The following ALDH1L1 variants were observed in gnomAD, a reference collection of about 807,000 sequenced individuals.
ALDH1L1 encodes aldehyde dehydrogenase 1 family member L1, also known as cytosolic 10-formyltetrahydrofolate dehydrogenase.
ALDH1L1 carries 68 observed loss-of-function variants against 101.1 expected under a neutral mutation model. The observed-to-expected ratio is 0.67, with a 90% CI of 0.55 to 0.82. ALDH1L1 has a LOEUF of 0.82. Ranked by LOEUF, ALDH1L1 falls within the 40% of genes least tolerant of loss-of-function variation. The pLI, the probability that ALDH1L1 is intolerant of heterozygous loss-of-function variation, is 0.00. For missense variants in ALDH1L1, 1,087 were observed against 1,172.7 expected (o/e 0.93, Z 1.07); for synonymous variants, 486 against 470.8 (o/e 1.03, Z -0.42).
intron 1 of ALDH1L1, among the ~76,000 whole-genome samples, chr3:126,163,493 T>A (rs998885489): frequency 6.6e-6 from 1 of 152,262 alleles, no homozygotes; most frequent in Non-Finnish European, 1.5e-5. Flanking sequence ...ATGGTGATAG[T>A]AGTTCCTGTC....
At chr3:126,104,212 G>A (rs935220453) in intron 22 of ALDH1L1, 6 of 281,468 alleles carry the variant, frequency 2.1e-5, no homozygotes, top group Non-Finnish European at 3.4e-5. Context: ...AGCTACGTCT[G>A]CATCAAGCTG....
chr3:126,124,504 G>A, intron 15 of ALDH1L1, 53 bp from the exon 16 acceptor site: 1 of 1,464,036 alleles, frequency 6.8e-7, no homozygotes, highest in Non-Finnish European at 9.5e-7. Flanking sequence ...TGAAAGTGGG[G>A]CTCTGCCTTC....
intron 22 of ALDH1L1, 130 bp from the exon 23 acceptor site, chr3:126,103,976 G>A (rs1167871801): frequency 3.2e-6 from 3 of 952,098 alleles, no homozygotes; most frequent in East Asian, 2.6e-5. Context: ...GTGAGAAGTC[G>A]AGGCCCAGCG....
chr3:126,197,144 A>C (rs1268415419), intron 1 of ALDH1L1, among the ~76,000 whole-genome samples: 1 of 152,228 alleles, frequency 6.6e-6, no homozygotes, highest in Non-Finnish European at 1.5e-5. Flanking sequence ...GCAACACAAA[A>C]GAAAAAAAAT....
chr3:126,135,038 C>T (rs950800644), intron 12 of ALDH1L1: 1 of 152,134 alleles, frequency 6.6e-6, no homozygotes, highest in Non-Finnish European at 1.5e-5. Flanking sequence ...AGAGAAGGCC[C>T]CTTTCTCCCT....
In ALDH1L1 at chr3:126,160,878, G is replaced by T; in HGVS notation, c.102C>A (p.Asp34Glu). 1 of 1,614,216 alleles carries T rather than the reference G, an allele frequency of 6.2e-7. No homozygotes were observed. The highest frequency in any genetic ancestry group is 8.5e-7 in the Non-Finnish European group (1 of 1,180,020). The change falls in exon 2 of 23, where the codon GAC becomes GAA. Residue 34 changes from aspartate to glutamate, a missense_variant. Coordinates refer to ENST00000393434, the MANE Select transcript of ALDH1L1 (RefSeq NM_012190.4). The stretch of plus-strand genomic sequence containing the variant: ...CCAGGGGGTCGGCCTTTCCATCCTT[G>T]TCTGGAACAGTGAACACACCCACCA... ...HEVVGVFTVP[D>E]KDGKADPLGL...
chr3:126,185,300 T>C (rs563900654), upstream of ALDH1L1, among the ~76,000 whole-genome samples: 3 of 152,334 alleles, frequency 2.0e-5, no homozygotes, highest in South Asian at 6.2e-4. Flanking sequence ...GGCTGGCACA[T>C]GGCCCCCAGA....
At chr3:126,115,117 A>T (rs765307247) in intron 17 of ALDH1L1, 1 of 457,284 alleles carries the variant, frequency 2.2e-6, no homozygotes. Flanking sequence ...CAGTGCCTGC[A>T]CGCAGCTGGT....
At chr3:126,143,216 T>A (rs2080603549) in intron 9 of ALDH1L1, among the ~76,000 whole-genome samples, 2 of 152,244 alleles carry the variant, frequency 1.3e-5, no homozygotes, top group Admixed American at 6.5e-5. Flanking sequence ...ATTCGTATCA[T>A]GTTCACACCA....
At chr3:126,162,986 A>C (rs13070447) in intron 1 of ALDH1L1, among the ~76,000 whole-genome samples, 95,387 of 151,670 alleles carry the variant, frequency 0.63, 29,998 homozygotes, top group Middle Eastern at 0.66. Context: ...TATCTTTGAA[A>C]CTTTAGTCAG....
At chr3:126,166,787 A>C (rs1055223868) in intron 1 of ALDH1L1, among the ~76,000 whole-genome samples, 1 of 152,210 alleles carries the variant, frequency 6.6e-6, no homozygotes, top group Admixed American at 6.5e-5. Flanking sequence ...CTTTCATTTT[A>C]AAAATTAAAT....
At chr3:126,146,664 T>C (rs1305691945) in intron 9 of ALDH1L1, among the ~76,000 whole-genome samples, 171 bp downstream of exon 9, 1 of 152,142 alleles carries the variant, frequency 6.6e-6, no homozygotes, top group African/African-American at 2.4e-5. Flanking sequence ...AACCATTCAT[T>C]TGTGCTGCCC....
intron 14 of ALDH1L1, 49 bp downstream of exon 14, chr3:126,130,174 T>C (rs1238897941): frequency 3.9e-6 from 6 of 1,540,864 alleles, no homozygotes; most frequent in Non-Finnish European, 5.3e-6. Context: ...TTCCGTGTAC[T>C]GCATGGAAAG....
chr3:126,135,639 G>C lies in ALDH1L1; in HGVS notation c.1368C>G (p.Ala456=). 2 of 1,573,242 alleles carry C rather than the reference G, an allele frequency of 1.3e-6. No individual in the cohort carries two copies. Among genetic ancestry groups the C allele is most frequent in the Non-Finnish European group, 1.7e-6 (2 of 1,159,236 alleles). The part of the protein sequence containing the change: ...DGSVICQVSL[A]QVTDVDKAVA... ...CTGCCTTGTCGACGTCGGTGACTTG[G>C]GCCAGGGATACCTGGCAGATGACCT... Residue 456 remains alanine (A), a synonymous_variant, in exon 12 of 23, where the codon GCC becomes GCG. Transcript: ENST00000393434.
chr3:126,108,867 C>T (rs1051959207), intron 20 of ALDH1L1, among the ~76,000 whole-genome samples: 5 of 152,124 alleles, frequency 3.3e-5, no homozygotes, highest in Admixed American at 2.0e-4. Flanking sequence ...TCAAGGAGTC[C>T]GAACTTGCAC....
intron 1 of ALDH1L1, among the ~76,000 whole-genome samples, chr3:126,179,552 C>T (rs758170637): frequency 3.9e-5 from 6 of 152,018 alleles, no homozygotes; most frequent in Non-Finnish European, 5.9e-5. Context: ...TTTCCTAGGG[C>T]CAGGCGCGGG....
intron 14 of ALDH1L1, chr3:126,128,651 G>GCCTT (rs1319612875): frequency 2.0e-5 from 3 of 152,454 alleles, no homozygotes; most frequent in Middle Eastern, 3.4e-3. Flanking sequence ...CTGCCTACCT[G>GCCTT]CCTTTGGGCG....
chr3:126,150,278 G>T, intron 8 of ALDH1L1, 128 bp downstream of exon 8: 1 of 1,411,158 alleles, frequency 7.1e-7, no homozygotes. Flanking sequence ...AACCAACACT[G>T]CACCTGGAGC....
rs1380218174 is a variant in ALDH1L1, at chr3:126,155,588, T to C, written c.529-85A>G. On this transcript the variant is annotated intron_variant, in intron 4 of 22. Coordinates refer to ENST00000393434, the MANE Select transcript of ALDH1L1 (RefSeq NM_012190.4). ...CAGGGCCCACATTGAGCCTGGACCC[T>C]TCCCCAGACTGACCAGACTTGCCTG... The C allele has an allele frequency of 2.5e-6, 3 of 1,201,936 alleles. No homozygotes were observed. In the East Asian group the frequency reaches 7.8e-5, roughly 31 times the overall value. 74.5% of individuals were successfully genotyped at this position (1,201,936 alleles called of 1,614,324 possible). A position where few individuals can be genotyped will look rare whatever the true frequency, so the allele number is the denominator to read the frequency against.
Sources: allele counts gnomAD v4.1 joint callset (sites outside exome capture counted in the v4.1 genomes callset), GRCh38; gene constraint gnomAD v4.1.1; transcripts MANE v1.5; gene names NCBI Gene and HGNC (gene_info 2026-07-23, HGNC 2026-07-21).